Variants in PPP1R1C observed in about 807,000 individuals in gnomAD.
PPP1R1C encodes the protein protein phosphatase 1 regulatory inhibitor subunit 1C.
In PPP1R1C, 15 loss-of-function variants were observed where a neutral mutation model predicts 17.4. The ratio of observed to expected loss-of-function variants is 0.86; its 90% CI spans 0.58 to 1.33. PPP1R1C has a LOEUF of 1.33. Ranked by LOEUF, PPP1R1C falls within the 40% of genes most tolerant of loss-of-function variation. The pLI is 0.00. For synonymous variants in PPP1R1C, 35 were observed against 43.1 expected (o/e 0.81, Z 0.73); for missense variants, 143 against 130.0 (o/e 1.10, Z -0.48).
intron 2 of PPP1R1C, among the ~76,000 whole-genome samples, chr2:182,053,920 A>G (rs532527673): frequency 4.9e-4 from 75 of 152,184 alleles, no homozygotes; most frequent in African/African-American, 1.8e-3. Context: ...AGCTGGGACT[A>G]CAGGTGCCTG....
At chr2:182,030,525 G>A (rs199533172) in intron 2 of PPP1R1C, among the ~76,000 whole-genome samples, 44,919 of 147,684 alleles carry the variant, frequency 0.3, 6,917 homozygotes, top group Middle Eastern at 0.4. Flanking sequence ...TAGGCTGCTC[G>A]GGGGTCAGGG....
upstream of PPP1R1C, among the ~76,000 whole-genome samples, chr2:181,983,459 G>C (rs920263454): frequency 3.3e-5 from 5 of 152,112 alleles, no homozygotes; most frequent in Non-Finnish European, 5.9e-5. Context: ...TATTACTCTT[G>C]TCTCTAATAG....
intron 2 of PPP1R1C, among the ~76,000 whole-genome samples, chr2:182,012,002 T>A (rs564662375): frequency 6.6e-6 from 1 of 152,222 alleles, no homozygotes; most frequent in East Asian, 1.9e-4. Context: ...TTCATTTTCT[T>A]TGAATTTGTT....
At chr2:182,092,225 A>G (rs1574445243) in intron 4 of PPP1R1C, among the ~76,000 whole-genome samples, 1 of 152,202 alleles carries the variant, frequency 6.6e-6, no homozygotes, top group Non-Finnish European at 1.5e-5. Flanking sequence ...TTAGCAGCAG[A>G]CAGAAAGAGA....
intron 2 of PPP1R1C, among the ~76,000 whole-genome samples, chr2:181,999,797 C>A (rs1175103065): frequency 6.6e-6 from 1 of 151,282 alleles, no homozygotes. Context: ...AAAAAGATAA[C>A]CAAATAGAAA....
intron 2 of PPP1R1C, among the ~76,000 whole-genome samples, chr2:182,046,714 G>A (rs1381769096): frequency 1.3e-5 from 2 of 151,236 alleles, no homozygotes; most frequent in African/African-American, 2.4e-5. Flanking sequence ...ATTCCAGCCT[G>A]GCAACAGAGC....
intron 3 of PPP1R1C, among the ~76,000 whole-genome samples, 195 bp downstream of exon 3, chr2:182,061,674 T>C (rs962695628): frequency 3.3e-5 from 5 of 152,156 alleles, no homozygotes; most frequent in African/African-American, 7.2e-5. Flanking sequence ...ACCTATGTAA[T>C]GCTAACCCCT....
At chr2:182,085,705 T>G in intron 4 of PPP1R1C, among the ~76,000 whole-genome samples, 1 of 152,204 alleles carries the variant, frequency 6.6e-6, no homozygotes, top group East Asian at 1.9e-4. Flanking sequence ...CAACAGAATC[T>G]ATTCTAGTTA....
At chr2:182,119,965 G>A (rs990494475), downstream of PPP1R1C, among the ~76,000 whole-genome samples, 114 of 152,174 alleles carry the variant, frequency 7.5e-4, no homozygotes, top group African/African-American at 2.3e-3. Flanking sequence ...GGTGTTTTAG[G>A]CATGAAGTCC....
chr2:181,998,238 G>A (rs1313762666), intron 2 of PPP1R1C, among the ~76,000 whole-genome samples: 1 of 152,212 alleles, frequency 6.6e-6, no homozygotes, highest in Non-Finnish European at 1.5e-5. Context: ...CTGGAATCAA[G>A]TGAGATCATG....
At chr2:182,024,841 C>A (rs1486355244) in intron 2 of PPP1R1C, among the ~76,000 whole-genome samples, 1 of 150,286 alleles carries the variant, frequency 6.7e-6, no homozygotes, top group Non-Finnish European at 1.5e-5. Flanking sequence ...GGCAACAAAG[C>A]AAGAATCTGT....
At chr2:181,966,037 C>A (rs1332624616) in intron 1 of PPP1R1C, among the ~76,000 whole-genome samples, 1 of 151,504 alleles carries the variant, frequency 6.6e-6, no homozygotes, top group African/African-American at 2.4e-5. Flanking sequence ...AAGTTTATTC[C>A]CAGGTATTTT....
intron 2 of PPP1R1C, among the ~76,000 whole-genome samples, chr2:182,053,253 T>C (rs562676691): frequency 5.6e-4 from 86 of 152,342 alleles, no homozygotes; most frequent in African/African-American, 2.0e-3. Flanking sequence ...TGGTGAAAAA[T>C]GTTTTCAGCT....
intron 4 of PPP1R1C, among the ~76,000 whole-genome samples, chr2:182,102,876 A>G (rs1253078880): frequency 6.6e-6 from 1 of 151,892 alleles, no homozygotes; most frequent in East Asian, 1.9e-4. Context: ...GCAGTGGTGC[A>G]CCATCACAGC....
intron 2 of PPP1R1C, among the ~76,000 whole-genome samples, chr2:182,023,180 C>T (rs1686483014): frequency 6.6e-6 from 1 of 152,084 alleles, no homozygotes; most frequent in South Asian, 2.1e-4. Context: ...TTTGTCAATG[C>T]TCAGTGATGC....
chr2:182,035,827 G>A (rs1201151205), intron 2 of PPP1R1C, among the ~76,000 whole-genome samples: 1 of 152,184 alleles, frequency 6.6e-6, no homozygotes, highest in African/African-American at 2.4e-5. Flanking sequence ...GTATCAGGTA[G>A]TGCTTTATAG....
At chr2:182,044,659 A>G (rs1038853137) in intron 2 of PPP1R1C, among the ~76,000 whole-genome samples, 2 of 152,142 alleles carry the variant, frequency 1.3e-5, no homozygotes, top group Admixed American at 6.5e-5. Context: ...ATCATACTGT[A>G]CTGTGGTTGC....
intron 2 of PPP1R1C, among the ~76,000 whole-genome samples, chr2:182,048,412 A>C (rs1435679147): frequency 6.6e-6 from 1 of 152,234 alleles, no homozygotes; most frequent in Non-Finnish European, 1.5e-5. Flanking sequence ...GCTTCACTAT[A>C]GCTGGCTTAG....
rs925741458 is a variant in PPP1R1C, at chr2:181,967,801, C to T, written n.112-7418C>T. ...CACATTCTTGGCTCACTGCAACCTCCGCCTTCCAGGTTCAAGCAATTCTCC... is the reference window on the plus strand; with the variant it reads ...CACATTCTTGGCTCACTGCAACCTCTGCCTTCCAGGTTCAAGCAATTCTCC... On this transcript the variant is annotated intron_variant and non_coding_transcript_variant, in intron 1 of 5. Transcript: ENST00000464264. The surrounding 1 kb of genome is among the most constrained non-coding windows in gnomAD (Gnocchi z 5.5). Among the ~76,000 whole-genome samples, 4 of 152,032 alleles carry T rather than the reference C, an allele frequency of 2.6e-5. No individual in the cohort carries two copies. Among genetic ancestry groups the T allele is most frequent in the Non-Finnish European group, 5.9e-5 (4 of 68,010 alleles).
Sources: gnomAD v4.1 joint callset for allele counts (sites outside exome capture counted in the v4.1 genomes callset) on GRCh38, gnomAD v4.1.1 for gene constraint, Gnocchi (gnomAD v3.1) non-coding constraint, MANE v1.5 for transcripts, NCBI Gene and HGNC (gene_info 2026-07-23, HGNC 2026-07-21) for gene names.